MDN1: variants seen among roughly 807,000 people sequenced by gnomAD.
MDN1 encodes midasin.
In MDN1, 266 loss-of-function variants were observed where a neutral mutation model predicts 669.2. The ratio of observed to expected loss-of-function variants is 0.40; its 90% CI spans 0.36 to 0.44. MDN1 has a LOEUF of 0.44. MDN1 is among the 20% of genes least tolerant of loss of function. The pLI, the probability that MDN1 is intolerant of heterozygous loss-of-function variation, is 1.00. For missense variants in MDN1, 5,940 were observed against 6,754.0 expected, an observed-to-expected ratio of 0.88 and a Z score of 4.22; for synonymous variants, 2,385 against 2,457.1, an observed-to-expected ratio of 0.97 and a Z score of 0.87.
intron 1 of MDN1, among the ~76,000 whole-genome samples, chr6:89,812,786 C>A (rs1768523712): frequency 6.6e-6 from 1 of 152,072 alleles, no homozygotes; most frequent in African/African-American, 2.4e-5. Context: ...AGAAACAATT[C>A]CTAAACTACT....
intron 24 of MDN1, 152 bp downstream of exon 24, chr6:89,750,202 C>T (rs1816868788): frequency 1.3e-6 from 1 of 764,804 alleles, no homozygotes; most frequent in African/African-American, 1.8e-5. Flanking sequence ...TTATGCATCA[C>T]CCCTTAACTA....
chr6:89,776,711 A>G lies in MDN1; in HGVS notation c.1726-16T>C. ...AGTCTAGAGCCTATTAAAATAACCA[A>G]GGTAAATGCTGACTGATTTTTAAAA... On this transcript the variant is annotated splice_polypyrimidine_tract_variant and intron_variant, in intron 11 of 101. Transcript: ENST00000369393. 1 of 1,516,554 alleles carries G rather than the reference A, an allele frequency of 6.6e-7. No individual in the cohort carries two copies. The highest frequency in any genetic ancestry group is 9.0e-7 in the Non-Finnish European group (1 of 1,114,428). The allele number at this position is 1,516,554 out of a possible 1,614,324, so 93.9% of individuals were successfully genotyped here. A position where few individuals can be genotyped will look rare whatever the true frequency, so the allele number is the denominator to read the frequency against.
intron 35 of MDN1, 66 bp from the exon 36 acceptor site, chr6:89,729,205 T>A: frequency 2.3e-6 from 3 of 1,321,564 alleles, no homozygotes; most frequent in Non-Finnish European, 3.1e-6. Context: ...ATGCATCAAC[T>A]CAAGATTTTA....
chr6:89,652,248 C>G lies in MDN1; in HGVS notation c.15859G>C (p.Glu5287Gln), dbSNP rs1584088780. 1 of 1,614,072 alleles carries G rather than the reference C, an allele frequency of 6.2e-7. No homozygotes were observed. Among genetic ancestry groups the G allele is most frequent in the East Asian group, 2.2e-5 (1 of 44,888 alleles). Residue 5287 changes from glutamate to glutamine, a missense_variant, in exon 95 of 102, where the codon GAG (glutamate) becomes CAG (glutamine). This residue lies in a region of MDN1 where 2,280 missense variants were observed against 2,576.3 expected (regional missense o/e 0.88). Transcript: ENST00000369393. ...FLKDVNELRQ[E>Q]LERQLEMWQP... ...CACATTTCCAGCTGTCTCTCCAGCT[C>G]CTGTCTTAGCTCATTGACATCTTTT...
intron 1 of MDN1, among the ~76,000 whole-genome samples, chr6:89,806,464 C>G (rs562683171): frequency 6.6e-6 from 1 of 152,014 alleles, no homozygotes; most frequent in Non-Finnish European, 1.5e-5. Flanking sequence ...CGCCTATAAA[C>G]CCAGCACTTT....
At chr6:89,724,285 A>T (rs914467297) in intron 38 of MDN1, among the ~76,000 whole-genome samples, 2 of 152,166 alleles carry the variant, frequency 1.3e-5, no homozygotes, top group South Asian at 4.1e-4. Flanking sequence ...TCTCAATAAA[A>T]CATTCTTCTT....
Position 89,701,916 on chromosome 6 carries a change from T to C in MDN1, c.8294A>G (p.Asn2765Ser). Residue 2765 changes from asparagine to serine, a missense_variant, in exon 54 of 102, where the codon AAT (asparagine) becomes AGT (serine). By Grantham distance (46) the Asn-to-Ser change is conservative (BLOSUM62 1). Coordinates refer to ENST00000369393, the MANE Select transcript of MDN1 (RefSeq NM_014611.3). Reference sequence around the variant, plus strand: ...ATATGAATCTTACTTGTCTTCATAATTCATCAGAAGTCGGGGGATCTGGTG... The same window carrying C: ...ATATGAATCTTACTTGTCTTCATAACTCATCAGAAGTCGGGGGATCTGGTG... ...LVHQIPRLLM[N>S]YEDKYYKEVQ... is the part of the protein sequence containing the mutation. The C allele has an allele frequency of 6.2e-7, 1 of 1,611,918 alleles. No individual in the cohort carries two copies.
chr6:89,762,263 T>C, intron 16 of MDN1, 56 bp downstream of exon 16: 2 of 1,427,048 alleles, frequency 1.4e-6, no homozygotes, highest in Non-Finnish European at 1.9e-6. Flanking sequence ...AACTAATATG[T>C]TAACTAAAGC....
At position 89,700,799 on chromosome 6, in the gene MDN1, T is replaced by C; in HGVS notation, c.8485A>G (p.Ile2829Val). 1 of 1,614,210 alleles carries C rather than the reference T, an allele frequency of 6.2e-7. No individual in the cohort carries two copies. Among genetic ancestry groups the C allele is most frequent in the African/African-American group, 1.3e-5 (1 of 75,064 alleles). Residue 2829 changes from isoleucine (I) to valine (V), a missense_variant, in exon 56 of 102, where the codon ATC becomes GTC. This residue lies in a region of MDN1 where 2,292 missense variants were observed against 2,638.3 expected (regional missense o/e 0.87). Coordinates refer to ENST00000369393, the MANE Select transcript of MDN1 (RefSeq NM_014611.3). ...QLKVLNKVLA[I>V]REQMSALGES... ...CCAAGGGCAGACATCTGCTCCCTGATGGCAAGGACTTTGTTAAGGACCTTC... is the reference window on the plus strand; with the variant it reads ...CCAAGGGCAGACATCTGCTCCCTGACGGCAAGGACTTTGTTAAGGACCTTC...
chr6:89,739,182 G>A (rs761902319), intron 32 of MDN1, among the ~76,000 whole-genome samples: 1 of 152,092 alleles, frequency 6.6e-6, no homozygotes, highest in Non-Finnish European at 1.5e-5. Flanking sequence ...CAGTACCTCC[G>A]GTGTCCAGCA....
At chr6:89,744,718 CA>C (rs1816498263) in intron 29 of MDN1, among the ~76,000 whole-genome samples, 1 of 151,702 alleles carries the variant, frequency 6.6e-6, no homozygotes, top group South Asian at 2.1e-4. Flanking sequence ...TCTGACTTTA[CA>C]AAAAAATTTA....
intron 76 of MDN1, among the ~76,000 whole-genome samples, chr6:89,676,815 C>T (rs974158422): frequency 1.3e-5 from 2 of 152,174 alleles, no homozygotes; most frequent in Admixed American, 1.3e-4. Flanking sequence ...TCATGCAAAG[C>T]ATCATTCACA....
intron 10 of MDN1, among the ~76,000 whole-genome samples, chr6:89,780,866 G>T (rs953717327): frequency 5.3e-5 from 8 of 150,482 alleles, no homozygotes; most frequent in African/African-American, 9.8e-5. Context: ...GGCCAGGATG[G>T]TCTCGAACTC....
At chr6:89,760,363 C>T (rs371070643) in intron 17 of MDN1, among the ~76,000 whole-genome samples, 29 of 151,774 alleles carry the variant, frequency 1.9e-4, no homozygotes, top group African/African-American at 6.8e-4. Context: ...TCTCTCACAT[C>T]CACACACTCT....
intron 1 of MDN1, chr6:89,815,119 C>T: frequency 2.5e-6 from 1 of 403,104 alleles, no homozygotes; most frequent in South Asian, 2.1e-5. Context: ...ATGGAGCTGC[C>T]CCTGACCACT....
rs528882280 is a variant in MDN1, at chr6:89,687,436, A to G, written c.11358T>C (p.Asp3786=). The change falls in exon 68 of 102, where the codon GAT becomes GAC. Residue 3786 remains aspartate (D), a splice_region_variant and synonymous_variant. Transcript: ENST00000369393. ...AAGCTCGACTTGCATTTTCCTCCCAATCCTAAAGAAACAAAGATAAAATTT... is the reference window on the plus strand; with the variant it reads ...AAGCTCGACTTGCATTTTCCTCCCAGTCCTAAAGAAACAAAGATAAAATTT... The part of the protein sequence containing the change: ...GLEILLAKAQ[D]WEENASRALS... 6.2e-7 allele frequency: 1 copy of G among 1,613,164 alleles called. No individual in the cohort carries two copies. The highest frequency in any genetic ancestry group is 1.3e-5 in the African/African-American group (1 of 75,036).
chr6:89,721,100 T>C (rs1301213792), intron 40 of MDN1, among the ~76,000 whole-genome samples: 1 of 152,230 alleles, frequency 6.6e-6, no homozygotes, highest in Admixed American at 6.5e-5. Flanking sequence ...ATTGTGCCAC[T>C]GCATTCCAGC....
chr6:89,692,325 C>T, intron 63 of MDN1, 118 bp downstream of exon 63: 2 of 857,948 alleles, frequency 2.3e-6, no homozygotes, highest in South Asian at 3.8e-5. Context: ...AACAAAATGC[C>T]CACGCCCCAA....
intron 70 of MDN1, among the ~76,000 whole-genome samples, chr6:89,685,204 G>T (rs1008408776): frequency 1.1e-4 from 16 of 152,006 alleles, no homozygotes; most frequent in African/African-American, 3.6e-4. Context: ...ACTTCTGCTT[G>T]TAACAGATGT....
Sources: allele counts gnomAD v4.1 joint callset (sites outside exome capture counted in the v4.1 genomes callset), GRCh38; gene constraint gnomAD v4.1.1; regional missense constraint gnomAD v4.1.1; transcripts MANE v1.5; gene names NCBI Gene and HGNC (gene_info 2026-07-23, HGNC 2026-07-21).